Variants in LBHD1 observed in about 807,000 individuals in gnomAD.
The protein encoded by LBHD1 is LBH domain-containing protein 1.
Under a neutral mutation model 31.1 loss-of-function variants are expected in LBHD1, and 28 were observed. The ratio of observed to expected loss-of-function variants is 0.90; its 90% CI spans 0.67 to 1.24. The LOEUF is 1.24. Among genes scored for constraint, LBHD1 ranks in the 50% most tolerant of loss-of-function variants. The probability of loss-of-function intolerance (pLI) is 0.00; values close to 1 mark genes in which losing one functional copy is unlikely to be tolerated. For synonymous variants in LBHD1, 105 were observed against 116.5 expected, an observed-to-expected ratio of 0.90 and a Z score of 0.63; for missense variants, 350 against 323.0, an observed-to-expected ratio of 1.08 and a Z score of -0.64.
intron 4 of LBHD1, chr11:62,666,345 T>G: frequency 6.3e-7 from 1 of 1,587,404 alleles, no homozygotes; most frequent in Non-Finnish European, 8.5e-7. Flanking sequence ...ATATACGACG[T>G]TTTTGCAGTG....
chr11:62,665,324 G>A (rs1944767550), intron 4 of LBHD1: 5 of 733,858 alleles, frequency 6.8e-6, no homozygotes, highest in South Asian at 1.6e-5. Context: ...TTCGGAGGGT[G>A]GTGAGCTAGT....
intron 4 of LBHD1, chr11:62,665,571 G>C: frequency 6.4e-7 from 1 of 1,568,538 alleles, no homozygotes; most frequent in Non-Finnish European, 8.6e-7. Context: ...CGGGACACCG[G>C]GAATCTCGGA....
chr11:62,665,284 T>C, intron 4 of LBHD1: 2 of 724,700 alleles, frequency 2.8e-6, no homozygotes, highest in East Asian at 2.7e-5. Flanking sequence ...CCTCGGGCTA[T>C]ATAAAGGAGC....
At chr11:62,664,823 C>A in intron 5 of LBHD1, 26 bp downstream of exon 5, 1 of 1,554,208 alleles carries the variant, frequency 6.4e-7, no homozygotes. Context: ...TGGGGACGAC[C>A]AACAGGAAGA....
rs565407042 is a variant in LBHD1 at position 62,662,839 on chromosome 11, C to A, written c.*290G>T. The A allele has an allele frequency of 5.1e-5, 29 of 563,744 alleles. No homozygotes were observed. The South Asian group carries it at 6.8e-4, about 13-fold the overall frequency. The allele number at this position is 563,744 out of a possible 1,614,324, so 34.9% of individuals were successfully genotyped here. A position where few individuals can be genotyped will look rare whatever the true frequency, so the allele number is the denominator to read the frequency against. On this transcript the variant is annotated 3_prime_UTR_variant, in exon 7 of 7. Coordinates refer to ENST00000354588, the MANE Select transcript of LBHD1 (RefSeq NM_024099.5). ...ATCTCAGAGTGCTAGGGCTTTATTA[C>A]AAATGGAGTTGACTGCTAGAGAGGC... is the stretch of plus-strand genomic sequence containing the variant.
chr11:62,670,800 A>G (rs548585222), intron 1 of LBHD1: 1 of 153,416 alleles, frequency 6.5e-6, no homozygotes, highest in South Asian at 1.9e-4. Context: ...AGTCCCAGCT[A>G]CTCGGGAGGC....
rs747146070 is a variant in LBHD1, at chr11:62,671,741, C to T, written c.-188G>A. On this transcript the variant is annotated 5_prime_UTR_variant, in exon 1 of 7. Transcript: ENST00000354588. ...GTGGGCGCTCCGCTGGCTGTGCAGG[C>T]GGCCATGGATTCCTTGCGGAAAATG... The T allele has an allele frequency of 1.9e-6, 3 of 1,612,900 alleles. No homozygotes were observed. The highest frequency in any genetic ancestry group is 1.6e-4 in the Middle Eastern group (1 of 6,080).
rs949230669 is a variant in LBHD1 at position 62,671,548 on chromosome 11, A to G, written c.-11+16T>C. ...GTGCCAGCACTTCTTGGACACCTCA[A>G]CCCCCTCAGCTAAACCTGAGATCCA... On this transcript the variant is annotated intron_variant, in intron 1 of 6. Transcript: ENST00000354588. 2.8e-6 allele frequency: 4 copies of G among 1,424,022 alleles called. No individual in the cohort carries two copies. Among genetic ancestry groups the G allele is most frequent in the Non-Finnish European group, 2.7e-6 (3 of 1,091,646 alleles). The allele number at this position is 1,424,022 out of a possible 1,614,324, so 88.2% of individuals were successfully genotyped here. A position where few individuals can be genotyped will look rare whatever the true frequency, so the allele number is the denominator to read the frequency against.
intron 3 of LBHD1, chr11:62,668,051 T>A (rs1418406837): frequency 1.5e-5 from 4 of 261,564 alleles, no homozygotes; most frequent in African/African-American, 4.4e-5. Flanking sequence ...TAAAAATTAA[T>A]TTCTGTGGTA....
At chr11:62,664,533 G>C (rs1944741673) in intron 5 of LBHD1, among the ~76,000 whole-genome samples, 2 of 152,132 alleles carry the variant, frequency 1.3e-5, no homozygotes, top group South Asian at 2.1e-4. Flanking sequence ...GTTTCACCAT[G>C]TTGGTCAGGC....
At chr11:62,664,713 A>C (rs1944747014) in intron 5 of LBHD1, 136 bp downstream of exon 5, 9 of 1,173,504 alleles carry the variant, frequency 7.7e-6, no homozygotes, top group Non-Finnish European at 1.1e-5. Context: ...GAGCTTAGGA[A>C]CTAACAGCCG....
Position 62,666,419 on chromosome 11 carries a change from G to A in LBHD1, c.538+1104C>T, listed in dbSNP as rs200714842. ...AGGCTCACTGGCTGATAGTTGCCTG[G>A]CGGACCGCTGTCTCTGGGATCGGCT... On this transcript the variant is annotated intron_variant, in intron 4 of 6. Transcript: ENST00000354588. 7.3e-4 allele frequency: 1,184 copies of A among 1,611,088 alleles called. No homozygotes were observed. The highest frequency in any genetic ancestry group is 9.2e-4 in the Non-Finnish European group (1,085 of 1,180,010).
intron 3 of LBHD1, 178 bp from the exon 4 acceptor site, chr11:62,667,925 C>T (rs991839472): frequency 4.7e-5 from 27 of 573,766 alleles, no homozygotes; most frequent in Middle Eastern, 4.6e-4. Context: ...CAAATGAGCC[C>T]GGGATAGTGG....
intron 5 of LBHD1, among the ~76,000 whole-genome samples, chr11:62,663,860 G>A (rs185695043): frequency 0.012 from 1,764 of 151,482 alleles, 24 homozygotes; most frequent in African/African-American, 0.028. Context: ...ATCACCTGAG[G>A]TCAGGAGTTC....
Position 62,671,846 on chromosome 11 carries a change from G to A in LBHD1, c.-293C>T, listed in dbSNP as rs1238888406. On this transcript the variant is annotated 5_prime_UTR_variant, in exon 1 of 7. Transcript: ENST00000354588. ...GTTATCGTGACCCCGGGAGAGCGGCGGAAGCAGGAAATGCTAAAGGTAGAA... is the reference window on the plus strand; with the variant it reads ...GTTATCGTGACCCCGGGAGAGCGGCAGAAGCAGGAAATGCTAAAGGTAGAA... 3 of 1,614,030 alleles carry A rather than the reference G, an allele frequency of 1.9e-6. No homozygotes were observed. The highest frequency in any genetic ancestry group is 1.3e-5 in the African/African-American group (1 of 74,930).
chr11:62,665,150 T>A, intron 4 of LBHD1, 177 bp from the exon 5 acceptor site: 1 of 971,172 alleles, frequency 1.0e-6, no homozygotes, highest in Non-Finnish European at 1.6e-6. Flanking sequence ...CCGGTTGATC[T>A]TTCCCCCCGG....
intron 4 of LBHD1, chr11:62,666,000 G>A: frequency 1.3e-6 from 2 of 1,561,956 alleles, no homozygotes; most frequent in Non-Finnish European, 1.7e-6. Context: ...AGTGGGGAGG[G>A]TAAGGTGGGT....
At chr11:62,664,677 G>A (rs1478878710) in intron 5 of LBHD1, among the ~76,000 whole-genome samples, 172 bp downstream of exon 5, 1 of 152,114 alleles carries the variant, frequency 6.6e-6, no homozygotes, top group Non-Finnish European at 1.5e-5. Flanking sequence ...AAGGTTGTCT[G>A]CTACAGGTAT....
Position 62,663,303 on chromosome 11 carries a change from T to C in LBHD1, c.694A>G (p.Arg232Gly). The change falls in exon 6 of 7, where the codon AGG (arginine) becomes GGG (glycine). Residue 232 changes from arginine (R) to glycine (G), a missense_variant. By Grantham distance (125) the Arg-to-Gly change is moderately radical (BLOSUM62 -2). Transcript: ENST00000354588. ...GGAGGAGTTTTCTGCGCTTCTTCCC[T>C]GACAGTGTAATGTTGGCACGTGCAC... ...VQCTCQHYTV[R>G]EEAQKTPPAD... The C allele has an allele frequency of 1.2e-6, 2 of 1,614,152 alleles. No homozygotes were observed. Among genetic ancestry groups the C allele is most frequent in the Non-Finnish European group, 1.7e-6 (2 of 1,179,998 alleles).
Sources: gnomAD v4.1 joint callset for allele counts (sites outside exome capture counted in the v4.1 genomes callset) on GRCh38, gnomAD v4.1.1 for gene constraint, MANE v1.5 for transcripts, NCBI Gene and HGNC (gene_info 2026-07-23, HGNC 2026-07-21) for gene names.